Variants in LRP1B observed in about 807,000 individuals in gnomAD.
The protein encoded by LRP1B is low-density lipoprotein receptor-related protein 1B.
LRP1B carries 217 observed loss-of-function variants against 556.6 expected under a neutral mutation model. That is an observed-to-expected ratio of 0.39 (90% CI 0.35 to 0.44). The LOEUF is 0.44. Ranked by LOEUF, LRP1B falls within the 20% of genes least tolerant of loss-of-function variation. The pLI, the probability that LRP1B is intolerant of heterozygous loss-of-function variation, is 1.00. For missense variants in LRP1B, 5,053 were observed against 5,620.8 expected, an observed-to-expected ratio of 0.90 and a Z score of 3.23; for synonymous variants, 2,047 against 1,865.8, an observed-to-expected ratio of 1.10 and a Z score of -2.50.
chr2:140,610,851 G>A (rs146488495), intron 41 of LRP1B, among the ~76,000 whole-genome samples: 478 of 152,334 alleles, frequency 3.1e-3, no homozygotes, highest in African/African-American at 8.7e-3. Flanking sequence ...GATTACAGGC[G>A]TGAGACACAG....
intron 1 of LRP1B, among the ~76,000 whole-genome samples, chr2:142,023,032 G>C (rs1267167334): frequency 6.6e-6 from 1 of 152,098 alleles, no homozygotes; most frequent in Non-Finnish European, 1.5e-5. Context: ...GATCAATGGA[G>C]ACCAGGTACT....
rs1281599392 is a variant in LRP1B, at chr2:141,239,465, C to G, written c.592+7761G>C. 9.2e-5 allele frequency among the ~76,000 whole-genome samples: 14 copies of G among 152,074 alleles called. 1 individual carries two copies. The stretch of plus-strand genomic sequence containing the variant: ...TTTAAAGGAAGTTGTTTTGCATCAT[C>G]TTTACAACTTGCTTGTATGCTGATG... On this transcript the variant is annotated intron_variant, in intron 5 of 90. Transcript: ENST00000389484.
intron 35 of LRP1B, among the ~76,000 whole-genome samples, chr2:140,738,205 T>C (rs994203269): frequency 2.0e-4 from 30 of 152,108 alleles, no homozygotes; most frequent in African/African-American, 6.8e-4. Context: ...AAAAGAGGTG[T>C]CACCATACTT....
At chr2:140,832,787 A>G (rs184217893) in intron 31 of LRP1B, among the ~76,000 whole-genome samples, 21 of 152,294 alleles carry the variant, frequency 1.4e-4, no homozygotes, top group East Asian at 1.4e-3. Flanking sequence ...AATCGGTACA[A>G]AAGTACAGTT....
At chr2:140,803,651 G>A (rs1231914821) in intron 32 of LRP1B, among the ~76,000 whole-genome samples, 3 of 151,716 alleles carry the variant, frequency 2.0e-5, no homozygotes, top group Admixed American at 6.6e-5. Context: ...GTAACCCCCA[G>A]TCCTCAAAAC....
chr2:141,303,068 A>G (rs1477306498), intron 3 of LRP1B, among the ~76,000 whole-genome samples: 1 of 152,128 alleles, frequency 6.6e-6, no homozygotes, highest in Non-Finnish European at 1.5e-5. Context: ...TCCATATTCA[A>G]TTTAATACCC....
intron 2 of LRP1B, among the ~76,000 whole-genome samples, chr2:141,804,398 A>G (rs1006901160): frequency 6.6e-6 from 1 of 152,136 alleles, no homozygotes; most frequent in African/African-American, 2.4e-5. Flanking sequence ...TTTCAAATTT[A>G]GTCAATTATT....
chr2:140,321,093 G>C (rs777520613), intron 82 of LRP1B, among the ~76,000 whole-genome samples: 6 of 151,972 alleles, frequency 3.9e-5, no homozygotes, highest in Non-Finnish European at 7.4e-5. Context: ...ATTTTTAAAA[G>C]TATTATGTGT....
chr2:141,649,833 G>T (rs1041389508), intron 2 of LRP1B, among the ~76,000 whole-genome samples: 6 of 152,134 alleles, frequency 3.9e-5, no homozygotes, highest in African/African-American at 1.4e-4. Context: ...CCAAGAAAAT[G>T]AATATTAAAG....
At chr2:141,199,471 G>T (rs990372704) in intron 6 of LRP1B, among the ~76,000 whole-genome samples, 12 of 151,912 alleles carry the variant, frequency 7.9e-5, no homozygotes, top group African/African-American at 2.9e-4. Flanking sequence ...TTTCCACCAT[G>T]ATCAGGAGAG....
chr2:140,506,990 G>A (rs1291153140), intron 52 of LRP1B, 72 bp from the exon 53 acceptor site: 7 of 1,457,356 alleles, frequency 4.8e-6, no homozygotes, highest in African/African-American at 4.3e-5. Context: ...AGGAGCTTGG[G>A]GAATATATAA....
chr2:141,546,865 T>C (rs1266270392), intron 2 of LRP1B, among the ~76,000 whole-genome samples: 1 of 152,152 alleles, frequency 6.6e-6, no homozygotes, highest in Non-Finnish European at 1.5e-5. Context: ...CTTCTCCAAT[T>C]ATTCTGTTTC....
intron 77 of LRP1B, among the ~76,000 whole-genome samples, chr2:140,348,097 A>T (rs1167436871): frequency 6.6e-6 from 1 of 152,030 alleles, no homozygotes; most frequent in Non-Finnish European, 1.5e-5. Context: ...AAATATATTT[A>T]AAATATATTA....
At chr2:140,992,083 A>C (rs1265936584) in intron 16 of LRP1B, among the ~76,000 whole-genome samples, 1 of 152,210 alleles carries the variant, frequency 6.6e-6, no homozygotes, top group East Asian at 1.9e-4. Context: ...GGCATAATAG[A>C]AAGCCATTTT....
chr2:140,440,743 A>ATGTATGTGTGTGTGTGTGTGTG (rs1553466069), intron 66 of LRP1B, among the ~76,000 whole-genome samples: 8 of 150,498 alleles, frequency 5.3e-5, no homozygotes, highest in Non-Finnish European at 1.2e-4. Flanking sequence ...CTCTGTATGT[A>ATGTATGTGTGTGTGTGTGTGTG]TGTGTGTGTG....
rs138299166 is a variant in LRP1B, at chr2:141,298,116, T to C, written c.344-43475A>G. Among the ~76,000 whole-genome samples, 484 of 152,316 alleles carry C rather than the reference T, an allele frequency of 3.2e-3. 2 individuals are homozygous for C. The highest frequency in any genetic ancestry group is 0.011 in the African/African-American group (448 of 41,572). On this transcript the variant is annotated intron_variant, in intron 3 of 90. Coordinates refer to ENST00000389484, the MANE Select transcript of LRP1B (RefSeq NM_018557.3). ...ATAAGGGTGTATCATTTTTCTTCAT[T>C]GATTTTCAGCACCTGGCAAAATGTC...
At chr2:142,123,654 A>C (rs538572929) in intron 1 of LRP1B, among the ~76,000 whole-genome samples, 1 of 148,366 alleles carries the variant, frequency 6.7e-6, no homozygotes, top group South Asian at 2.1e-4. Context: ...TTCTTCAAGA[A>C]GTTTTTTTTT....
At chr2:141,474,030 T>TCCTTCCTC (rs1452885337) in intron 3 of LRP1B, among the ~76,000 whole-genome samples, 2 of 122,552 alleles carry the variant, frequency 1.6e-5, no homozygotes, top group African/African-American at 3.8e-5. Context: ...CTTCCTTCCT[T>TCCTTCCTC]CCTTCCTTCC....
chr2:141,279,912 A>G (rs944157874), intron 3 of LRP1B, among the ~76,000 whole-genome samples: 3 of 152,062 alleles, frequency 2.0e-5, no homozygotes, highest in African/African-American at 7.2e-5. Flanking sequence ...TCAATAGAAA[A>G]TCAGTTTCCA....
Sources: gnomAD v4.1 joint callset for allele counts (sites outside exome capture counted in the v4.1 genomes callset) on GRCh38, gnomAD v4.1.1 for gene constraint, MANE v1.5 for transcripts, NCBI Gene and HGNC (gene_info 2026-07-23, HGNC 2026-07-21) for gene names.